IL1RAPL1: variants seen among roughly 807,000 people sequenced by gnomAD.
IL1RAPL1 encodes interleukin 1 receptor accessory protein like 1.
In IL1RAPL1, 3 loss-of-function variants were observed where a neutral mutation model predicts 48.4. The ratio of observed to expected loss-of-function variants is 0.06; its 90% confidence interval spans 0.03 to 0.16. The LOEUF is 0.16. IL1RAPL1 is among the 10% of genes least tolerant of loss of function. The pLI, the probability that IL1RAPL1 is intolerant of heterozygous loss-of-function variation, is 1.00. For synonymous variants in IL1RAPL1, 185 were observed against 187.7 expected, an observed-to-expected ratio of 0.99 and a Z score of 0.12; for missense variants, 349 against 530.6, an observed-to-expected ratio of 0.66 and a Z score of 3.36.
At chrX:29,516,389 A>G (rs1005684855) in intron 5 of IL1RAPL1, among the ~76,000 whole-genome samples, 24 of 111,770 alleles carry the variant, frequency 2.1e-4, no homozygotes, top group Admixed American at 2.1e-3. Flanking sequence ...TTTCAAAAAT[A>G]GAGTAGTACA....
chrX:29,932,994 GATTTCCAAATGTCAAGTGAATACAA>G (rs1345958027), intron 8 of IL1RAPL1, among the ~76,000 whole-genome samples: 1 of 111,989 alleles, frequency 8.9e-6, no homozygotes, highest in Admixed American at 9.5e-5. Context: ...GTACATGATT[GATTTCCAAATGTCAAGTGAATACAA>G]ACATTCTTAG....
intron 5 of IL1RAPL1, among the ~76,000 whole-genome samples, chrX:29,522,703 A>G (rs1227283632): frequency 8.9e-6 from 1 of 112,206 alleles, no homozygotes. Context: ...AATTCCCTCA[A>G]AGGAACCAAT....
chrX:28,773,489 C>T (rs951782235), intron 1 of IL1RAPL1, among the ~76,000 whole-genome samples: 1 of 112,055 alleles, frequency 8.9e-6, no homozygotes, highest in Admixed American at 9.5e-5. Flanking sequence ...CCTGCACACT[C>T]AGCTGTGAAA....
intron 1 of IL1RAPL1, among the ~76,000 whole-genome samples, chrX:28,668,230 G>A (rs191531154): frequency 1.4e-3 from 159 of 111,462 alleles, no homozygotes; most frequent in African/African-American, 4.8e-3. Flanking sequence ...CAATGCCACT[G>A]AATTCAAGGC....
At chrX:28,690,111 G>A in intron 1 of IL1RAPL1, among the ~76,000 whole-genome samples, 2 of 111,260 alleles carry the variant, frequency 1.8e-5, no homozygotes. Flanking sequence ...AATGCAGAGG[G>A]GGTGGGGGTA....
rs1335884351 is a variant in IL1RAPL1, at chrX:29,802,810, T to C, written c.779-114654T>C. On this transcript the variant is annotated intron_variant, in intron 6 of 10. Transcript: ENST00000378993. ...GTGTGTGTATATATATATATATATA[T>C]GTGTGTATATATATGTATACATATA... is the stretch of plus-strand genomic sequence containing the variant. 1.4e-3 allele frequency among the ~76,000 whole-genome samples: 64 copies of C among 46,279 alleles called. 1 individual carries two copies. The highest frequency in any genetic ancestry group is 6.2e-3 in the African/African-American group (55 of 8,834). 40.2% of individuals were successfully genotyped at this position (46,279 alleles called of 115,157 possible). A position where few individuals can be genotyped will look rare whatever the true frequency, so the allele number is the denominator to read the frequency against.
intron 6 of IL1RAPL1, among the ~76,000 whole-genome samples, chrX:29,807,014 AT>A (rs1212660642): frequency 9.0e-6 from 1 of 111,044 alleles, no homozygotes; most frequent in Non-Finnish European, 1.9e-5. Flanking sequence ...AGAAGCAGTC[AT>A]GCATACTGTA....
At chrX:29,465,475 A>G (rs1934851809) in intron 5 of IL1RAPL1, among the ~76,000 whole-genome samples, 1 of 111,868 alleles carries the variant, frequency 8.9e-6, no homozygotes, top group African/African-American at 3.3e-5. Context: ...GCTTTTAGAC[A>G]CTTCAGTGCG....
intron 5 of IL1RAPL1, among the ~76,000 whole-genome samples, chrX:29,559,618 A>G (rs1002803271): frequency 9.0e-6 from 1 of 111,015 alleles, no homozygotes; most frequent in Non-Finnish European, 1.9e-5. Flanking sequence ...TTGTGATTTG[A>G]CAATGTATTT....
intron 2 of IL1RAPL1, among the ~76,000 whole-genome samples, chrX:29,112,369 A>C (rs1206512259): frequency 9.0e-6 from 1 of 111,628 alleles, no homozygotes; most frequent in East Asian, 2.8e-4. Context: ...AGATCATACA[A>C]ATATTCTCCA....
intron 6 of IL1RAPL1, among the ~76,000 whole-genome samples, chrX:29,862,792 C>T (rs1931615633): frequency 9.1e-6 from 1 of 109,349 alleles, no homozygotes. Context: ...CATGTTTGTA[C>T]GTGTTTGGTG....
intron 1 of IL1RAPL1, among the ~76,000 whole-genome samples, chrX:28,627,016 T>A (rs1934347463): frequency 8.9e-6 from 1 of 112,243 alleles, no homozygotes; most frequent in African/African-American, 3.2e-5. Context: ...ATACATCATG[T>A]TCTCTTAGCT....
At chrX:29,135,701 T>C (rs1420595865) in intron 2 of IL1RAPL1, among the ~76,000 whole-genome samples, 1 of 111,894 alleles carries the variant, frequency 8.9e-6, no homozygotes, top group Admixed American at 9.6e-5. Context: ...GAACATTCCC[T>C]TTACTGTGTA....
At chrX:29,606,474 T>C (rs1923896050) in intron 5 of IL1RAPL1, among the ~76,000 whole-genome samples, 1 of 111,994 alleles carries the variant, frequency 8.9e-6, no homozygotes. Flanking sequence ...GATGAAGTAT[T>C]TTCCCCCCAA....
intron 6 of IL1RAPL1, among the ~76,000 whole-genome samples, chrX:29,735,913 T>C (rs1239180221): frequency 8.9e-6 from 1 of 112,495 alleles, no homozygotes; most frequent in Non-Finnish European, 1.9e-5. Context: ...GCCAGCTGTG[T>C]TGTGAATAAA....
intron 6 of IL1RAPL1, among the ~76,000 whole-genome samples, chrX:29,896,026 A>C (rs1288521691): frequency 8.9e-6 from 1 of 111,922 alleles, no homozygotes; most frequent in Non-Finnish European, 1.9e-5. Context: ...CAGCAGAGAA[A>C]GACTTCCAAA....
chrX:29,581,080 T>C (rs1922947970), intron 5 of IL1RAPL1, among the ~76,000 whole-genome samples: 1 of 112,270 alleles, frequency 8.9e-6, no homozygotes, highest in Non-Finnish European at 1.9e-5. Context: ...TTTCTCCACA[T>C]ACATTATGTC....
At chrX:28,836,255 A>T (rs1921203708) in intron 2 of IL1RAPL1, among the ~76,000 whole-genome samples, 1 of 107,395 alleles carries the variant, frequency 9.3e-6, no homozygotes, top group Admixed American at 1.0e-4. Flanking sequence ...GGCAATTAAG[A>T]GTAACTATAG....
chrX:29,072,404 T>C (rs1927584505), intron 2 of IL1RAPL1, among the ~76,000 whole-genome samples: 2 of 111,840 alleles, frequency 1.8e-5, no homozygotes, highest in Non-Finnish European at 3.8e-5. Flanking sequence ...TCATCTCCCC[T>C]TTCCTGGGTC....
Sources: gnomAD v4.1 joint callset for allele counts (sites outside exome capture counted in the v4.1 genomes callset) on GRCh38, gnomAD v4.1.1 for gene constraint, MANE v1.5 for transcripts, NCBI Gene and HGNC (gene_info 2026-07-23, HGNC 2026-07-21) for gene names.